The following SUSD4 variants were observed in gnomAD, a reference collection of about 807,000 sequenced individuals.
SUSD4 encodes sushi domain containing 4.
Under a neutral mutation model 50.5 loss-of-function variants are expected in SUSD4, and 41 were observed. That is an observed-to-expected ratio of 0.81 (90% confidence interval 0.63 to 1.05). SUSD4 has a LOEUF of 1.05. SUSD4 is among the 50% of genes least tolerant of loss of function. The pLI is 0.00. For missense variants in SUSD4, 580 were observed against 634.7 expected (o/e 0.91, Z 0.93); for synonymous variants, 257 against 257.3 (o/e 1.00, Z 0.01).
chr1:223,352,983 A>C (rs1002235878), intron 2 of SUSD4, among the ~76,000 whole-genome samples: 29 of 151,962 alleles, frequency 1.9e-4, no homozygotes, highest in Non-Finnish European at 4.0e-4. Flanking sequence ...CGGAGCACCT[A>C]TAACAAATCA....
At chr1:223,263,794 T>C in intron 5 of SUSD4, 1 of 985,474 alleles carries the variant, frequency 1.0e-6, no homozygotes, top group South Asian at 4.7e-5. Context: ...TAAGAACTCA[T>C]TTGTTTCCAT....
intron 5 of SUSD4, among the ~76,000 whole-genome samples, chr1:223,245,664 A>G (rs776972218): frequency 6.6e-6 from 1 of 152,174 alleles, no homozygotes; most frequent in Non-Finnish European, 1.5e-5. Flanking sequence ...CTGGGTGGAG[A>G]ACAGGCTGTT....
chr1:223,364,369 T>TG (rs946478965), upstream of SUSD4, among the ~76,000 whole-genome samples: 4 of 14,284 alleles, frequency 2.8e-4, no homozygotes, highest in Non-Finnish European at 6.4e-4. The surrounding 1 kb of genome is among the most constrained non-coding windows in gnomAD (Gnocchi z 4.5). Context: ...ACGGGGTGAG[T>TG]GGGGGGGCGG....
chr1:223,222,971 C>G (rs538463195), intron 8 of SUSD4, among the ~76,000 whole-genome samples: 1 of 152,332 alleles, frequency 6.6e-6, no homozygotes, highest in African/African-American at 2.4e-5. Flanking sequence ...CCACTGCTGC[C>G]TTTCTACTCT....
chr1:223,268,011 TTTTA>T lies in SUSD4; in HGVS notation c.535+487_535+490del, dbSNP rs199701555. Among the ~76,000 whole-genome samples the T allele has an allele frequency of 6.3e-3, 48 of 7,664 alleles. 5 individuals carry two copies. The highest frequency in any genetic ancestry group is 0.026 in the African/African-American group (45 of 1,738). The allele number at this position is 7,664 out of a possible 152,430, so 5.0% of individuals were successfully genotyped here. ...ATAATTTTTCTGCTCTTCATGCATT[TTTTA>T]TATATATATATATATATATATATAT... On this transcript the variant is annotated intron_variant, in intron 4 of 8. Transcript: ENST00000366878.
intron 2 of SUSD4, among the ~76,000 whole-genome samples, chr1:223,304,792 CCATATATATATATATATATATATATA>C (rs1403951769): frequency 3.8e-4 from 17 of 45,122 alleles, no homozygotes; most frequent in Non-Finnish European, 5.6e-4. Context: ...TCTCAGGTTT[CCATATATATATATATATATATATATA>C]TATATATATA....
chr1:223,264,824 G>A lies in SUSD4; in HGVS notation c.536-6C>T. 1.2e-6 allele frequency: 2 copies of A among 1,610,424 alleles called. No individual in the cohort carries two copies. Among genetic ancestry groups the A allele is most frequent in the Non-Finnish European group, 1.7e-6 (2 of 1,177,934 alleles). On this transcript the variant is annotated splice_region_variant and splice_polypyrimidine_tract_variant and intron_variant, in intron 4 of 8. Coordinates refer to ENST00000366878, the MANE Select transcript of SUSD4 (RefSeq NM_017982.4). ...GGCTAGAGGTCTCAGGCAGCCTGTG[G>A]AAGGTGAAAGAAAAAGGGAAAGATT...
chr1:223,291,656 A>G (rs1218379596), intron 3 of SUSD4, among the ~76,000 whole-genome samples: 1 of 152,196 alleles, frequency 6.6e-6, no homozygotes, highest in Non-Finnish European at 1.5e-5. Flanking sequence ...AATGAACTCA[A>G]TGAAATATAA....
At chr1:223,314,050 C>A (rs1306539105) in intron 2 of SUSD4, among the ~76,000 whole-genome samples, 2 of 152,128 alleles carry the variant, frequency 1.3e-5, no homozygotes, top group South Asian at 2.1e-4. Flanking sequence ...TATGGAGTAG[C>A]CATTCTTTAT....
At chr1:223,318,785 C>T (rs1389391026) in intron 2 of SUSD4, among the ~76,000 whole-genome samples, 1 of 148,688 alleles carries the variant, frequency 6.7e-6, no homozygotes, top group Admixed American at 6.8e-5. Context: ...ACTTTCTTCA[C>T]AGAATTGGAA....
intron 5 of SUSD4, among the ~76,000 whole-genome samples, chr1:223,258,902 C>A (rs1264856328): frequency 6.6e-6 from 1 of 152,194 alleles, no homozygotes; most frequent in Non-Finnish European, 1.5e-5. Context: ...GACTCACCAG[C>A]CTGACCCTCC....
At chr1:223,293,794 A>C (rs557195741) in intron 2 of SUSD4, among the ~76,000 whole-genome samples, 20 of 152,280 alleles carry the variant, frequency 1.3e-4, no homozygotes, top group Admixed American at 1.1e-3. Context: ...GCCAAGGATA[A>C]GGGAGGGTCT....
At chr1:223,331,330 C>T (rs997816767) in intron 2 of SUSD4, among the ~76,000 whole-genome samples, 1 of 152,184 alleles carries the variant, frequency 6.6e-6, no homozygotes, top group African/African-American at 2.4e-5. Flanking sequence ...CTCCTTAGCA[C>T]AGAACATTGC....
intron 2 of SUSD4, among the ~76,000 whole-genome samples, chr1:223,338,714 C>A (rs973485722): frequency 1.8e-4 from 27 of 152,200 alleles, no homozygotes; most frequent in African/African-American, 6.5e-4. Context: ...GCTGCGCATG[C>A]AGCTGCAGGG....
intron 2 of SUSD4, among the ~76,000 whole-genome samples, chr1:223,358,175 T>C (rs1257784006): frequency 6.6e-6 from 1 of 152,266 alleles, no homozygotes; most frequent in Non-Finnish European, 1.5e-5. Flanking sequence ...CTTATCTGAA[T>C]GTTTTCTCAG....
chr1:223,360,838 T>C (rs922918212), intron 2 of SUSD4, among the ~76,000 whole-genome samples: 11 of 152,246 alleles, frequency 7.2e-5, no homozygotes, highest in Non-Finnish European at 1.3e-4. Context: ...AGGGCTGATT[T>C]TCAGCTCTGT....
At chr1:223,241,820 G>GCCAT (rs1660603747) in intron 5 of SUSD4, among the ~76,000 whole-genome samples, 1 of 152,208 alleles carries the variant, frequency 6.6e-6, no homozygotes, top group Admixed American at 6.5e-5. Flanking sequence ...AGAAGTGACT[G>GCCAT]CCATCCACTA....
At chr1:223,258,217 T>C (rs929524214) in intron 5 of SUSD4, among the ~76,000 whole-genome samples, 1 of 152,150 alleles carries the variant, frequency 6.6e-6, no homozygotes, top group African/African-American at 2.4e-5. Flanking sequence ...CTGAACGTGT[T>C]TTGACTCAGG....
intron 2 of SUSD4, among the ~76,000 whole-genome samples, chr1:223,329,809 A>G (rs1027885425): frequency 1.3e-5 from 2 of 152,070 alleles, no homozygotes; most frequent in African/African-American, 4.8e-5. Context: ...TGAATAGATA[A>G]ATGAATGGAT....
Sources: gnomAD v4.1 joint callset for allele counts (sites outside exome capture counted in the v4.1 genomes callset) on GRCh38, gnomAD v4.1.1 for gene constraint, Gnocchi (gnomAD v3.1) non-coding constraint, MANE v1.5 for transcripts, NCBI Gene and HGNC (gene_info 2026-07-23, HGNC 2026-07-21) for gene names.